SLC7A1: variants seen among roughly 807,000 people sequenced by gnomAD.
SLC7A1 encodes the protein solute carrier family 7 member 1, also known as high affinity cationic amino acid transporter 1.
In SLC7A1, 10 loss-of-function variants were observed where a neutral mutation model predicts 53.9. The observed-to-expected ratio is 0.19, with a 90% confidence interval of 0.11 to 0.31. The LOEUF is 0.31. Among genes scored for constraint, SLC7A1 ranks in the 10% least tolerant of loss-of-function variants. The probability of loss-of-function intolerance (pLI) is 1.00; values close to 1 mark genes in which losing one functional copy is unlikely to be tolerated. For synonymous variants in SLC7A1, 342 were observed against 338.7 expected, an observed-to-expected ratio of 1.01 and a Z score of -0.11; for missense variants, 525 against 827.2, an observed-to-expected ratio of 0.63 and a Z score of 4.48.
chr13:29,524,965 G>A (rs551238480), intron 5 of SLC7A1, among the ~76,000 whole-genome samples: 15 of 152,212 alleles, frequency 9.9e-5, no homozygotes, highest in Admixed American at 4.6e-4. Flanking sequence ...CACCTGTGCC[G>A]AGACACGGTG....
At chr13:29,589,868 T>C (rs1872036056) in intron 1 of SLC7A1, among the ~76,000 whole-genome samples, 1 of 152,036 alleles carries the variant, frequency 6.6e-6, no homozygotes, top group South Asian at 2.1e-4. Context: ...CCTTCCCCTC[T>C]CCCCATCAGT....
intron 1 of SLC7A1, among the ~76,000 whole-genome samples, chr13:29,570,493 C>T (rs182540164): frequency 7.9e-5 from 12 of 152,294 alleles, no homozygotes; most frequent in African/African-American, 2.4e-4. Context: ...CTTGTTCCTC[C>T]TGTGAGGCTC....
rs989518233 is a variant in SLC7A1, at chr13:29,554,023, A to T, written c.-114-163T>A. 3.3e-5 allele frequency among the ~76,000 whole-genome samples: 5 copies of T among 152,268 alleles called. No individual in the cohort carries two copies. In the South Asian group the frequency reaches 1.0e-3, roughly 32 times the overall value. On this transcript the variant is annotated intron_variant, in intron 1 of 12. Coordinates refer to ENST00000380752, the MANE Select transcript of SLC7A1 (RefSeq NM_003045.5). ...AGGGTTGACGGCAAAGGGGCCCACC[A>T]TGGGGCATCATCGGGGGAATTCAGG...
At chr13:29,528,719 C>T (rs1281619904) in intron 5 of SLC7A1, among the ~76,000 whole-genome samples, 2 of 152,230 alleles carry the variant, frequency 1.3e-5, no homozygotes, top group Admixed American at 6.5e-5. Flanking sequence ...CTAACATGGC[C>T]GATCCCCTGC....
intron 1 of SLC7A1, among the ~76,000 whole-genome samples, chr13:29,559,778 C>G (rs181406193): frequency 0.018 from 2,730 of 151,330 alleles, 54 homozygotes; most frequent in Middle Eastern, 0.041. Context: ...TGCAGTGGCG[C>G]GATCTCGGCT....
intron 2 of SLC7A1, among the ~76,000 whole-genome samples, chr13:29,542,500 A>G (rs1271469260): frequency 6.6e-6 from 1 of 152,070 alleles, no homozygotes; most frequent in South Asian, 2.1e-4. Context: ...CCTGGGCCAC[A>G]TGGCAAGACA....
At chr13:29,525,668 C>T (rs555322200) in intron 5 of SLC7A1, among the ~76,000 whole-genome samples, 4 of 152,194 alleles carry the variant, frequency 2.6e-5, no homozygotes, top group Non-Finnish European at 5.9e-5. Flanking sequence ...GAAGTACATG[C>T]ATGAGAAAGC....
rs1883414120 is a variant in SLC7A1 at position 29,512,208 on chromosome 13, C to CT, written c.*2271dup. On this transcript the variant is annotated 3_prime_UTR_variant, in exon 13 of 13. Coordinates refer to ENST00000380752, the MANE Select transcript of SLC7A1 (RefSeq NM_003045.5). ...CTTTCCTAACCAGGAAGCCCGTCCT[C>CT]TAAGGAGGGGGCATGGGTCCCATCC... The CT allele has an allele frequency of 6.6e-6, 1 of 152,198 alleles. No individual in the cohort carries two copies. The highest frequency in any genetic ancestry group is 2.4e-5 in the African/African-American group (1 of 41,434). 9.4% of individuals were successfully genotyped at this position (152,198 alleles called of 1,614,324 possible).
At chr13:29,567,674 C>T (rs1017695490) in intron 1 of SLC7A1, among the ~76,000 whole-genome samples, 5 of 152,194 alleles carry the variant, frequency 3.3e-5, no homozygotes, top group African/African-American at 4.8e-5. Flanking sequence ...ATCCCTCCCA[C>T]GGATGCAACC....
Position 29,516,165 on chromosome 13 carries a change from C to G in SLC7A1, c.1759G>C (p.Val587Leu). Residue 587 changes from valine (V) to leucine (L), a missense_variant, in exon 12 of 13, where the codon GTC becomes CTC. This residue lies in a region of SLC7A1 where 41 missense variants were observed against 61.3 expected (regional missense o/e 0.67). Transcript: ENST00000380752. ...ATCAGCATCCACACAGCAAACCGGA[C>G]CCAGGTGCCCTGGTCCAGCTGCATC... ...LMMQLDQGTW[V>L]RFAVWMLIGF... 1 of 1,613,252 alleles carries G rather than the reference C, an allele frequency of 6.2e-7. No individual in the cohort carries two copies. The highest frequency in any genetic ancestry group is 8.5e-7 in the Non-Finnish European group (1 of 1,179,410).
In SLC7A1 at chr13:29,595,572, A is replaced by T. The variant is rs1243489499; in HGVS notation, c.-271T>A. ...AGGAGTGGAGGCTGCGGTTAGCGGG[A>T]GCCCGCGGCCGCGTGCGCGCCTGCC... is the stretch of plus-strand genomic sequence containing the variant. On this transcript the variant is annotated 5_prime_UTR_variant, in exon 1 of 13. Transcript: ENST00000380752. 6.7e-6 allele frequency: 1 copy of T among 148,776 alleles called. No individual in the cohort carries two copies. 9.2% of individuals were successfully genotyped at this position (148,776 alleles called of 1,614,324 possible).
At chr13:29,545,360 G>GC (rs1463938222) in intron 2 of SLC7A1, among the ~76,000 whole-genome samples, 1 of 152,002 alleles carries the variant, frequency 6.6e-6, no homozygotes, top group Non-Finnish European at 1.5e-5. Flanking sequence ...CCACTGTGGG[G>GC]ACCAGCTCAG....
At chr13:29,594,904 G>T (rs990974171) in intron 1 of SLC7A1, among the ~76,000 whole-genome samples, 1 of 152,024 alleles carries the variant, frequency 6.6e-6, no homozygotes, top group East Asian at 1.9e-4. Context: ...CCGGGCGGCC[G>T]GGCAGAGTCC....
intron 1 of SLC7A1, among the ~76,000 whole-genome samples, chr13:29,559,789 C>T (rs1870658812): frequency 6.6e-6 from 1 of 151,424 alleles, no homozygotes; most frequent in Non-Finnish European, 1.5e-5. Flanking sequence ...GATCTCGGCT[C>T]ACTGCAAGCT....
At chr13:29,552,788 C>G (rs1405169934) in intron 2 of SLC7A1, among the ~76,000 whole-genome samples, 1 of 152,094 alleles carries the variant, frequency 6.6e-6, no homozygotes, top group African/African-American at 2.4e-5. Context: ...AATCTCTGTT[C>G]GAGGCTCTCA....
intron 1 of SLC7A1, among the ~76,000 whole-genome samples, chr13:29,590,241 A>G (rs1211084224): frequency 6.6e-6 from 1 of 152,188 alleles, no homozygotes; most frequent in Non-Finnish European, 1.5e-5. Context: ...TGAGGTGGGA[A>G]ACACGGCCCA....
intron 1 of SLC7A1, among the ~76,000 whole-genome samples, chr13:29,585,053 G>T (rs1871823721): frequency 1.3e-5 from 2 of 152,192 alleles, no homozygotes; most frequent in Admixed American, 1.3e-4. Context: ...GGACACCACT[G>T]TGTCAGGTTA....
chr13:29,531,771 T>C (rs551057880), intron 4 of SLC7A1, among the ~76,000 whole-genome samples: 1 of 152,134 alleles, frequency 6.6e-6, no homozygotes, highest in Admixed American at 6.5e-5. Context: ...GAGGCAGAGG[T>C]TGCAGTGAGC....
chr13:29,553,160 A>G (rs551211495), intron 2 of SLC7A1, among the ~76,000 whole-genome samples: 2 of 152,364 alleles, frequency 1.3e-5, no homozygotes, highest in Admixed American at 1.3e-4. Flanking sequence ...ATTCCTAAGT[A>G]AAAGGGAGAG....
Sources: allele counts gnomAD v4.1 joint callset (sites outside exome capture counted in the v4.1 genomes callset), GRCh38; gene constraint gnomAD v4.1.1; regional missense constraint gnomAD v4.1.1; transcripts MANE v1.5; gene names NCBI Gene and HGNC (gene_info 2026-07-23, HGNC 2026-07-21).